PER3: variants seen among roughly 807,000 people sequenced by gnomAD.
PER3 encodes the protein period circadian protein homolog 3.
A neutral mutation model predicts 127.2 loss-of-function variants in PER3; 107 were observed. The observed-to-expected ratio is 0.84, with a 90% CI of 0.72 to 0.99. The LOEUF (loss-of-function observed/expected upper bound fraction) is 0.99. PER3 is among the 50% of genes least tolerant of loss of function. The pLI, the probability that PER3 is intolerant of heterozygous loss-of-function variation, is 0.00. For missense variants in PER3, 1,560 were observed against 1,525.8 expected, an observed-to-expected ratio of 1.02 and a Z score of -0.37; for synonymous variants, 618 against 585.8, an observed-to-expected ratio of 1.05 and a Z score of -0.79.
intron 13 of PER3, among the ~76,000 whole-genome samples, chr1:7,816,625 A>G (rs1388706773): frequency 6.6e-6 from 1 of 152,228 alleles, no homozygotes; most frequent in African/African-American, 2.4e-5. Flanking sequence ...ACCATATGAG[A>G]TAACACCACA....
At chr1:7,820,082 G>A (rs2097268799) in intron 14 of PER3, 33 bp from the exon 15 acceptor site, 1 of 1,607,440 alleles carries the variant, frequency 6.2e-7, no homozygotes, top group African/African-American at 1.3e-5. Context: ...TAGGGAACAG[G>A]TAAGAATGTG....
At chr1:7,786,907 T>C in intron 4 of PER3, 71 bp downstream of exon 4, 1 of 850,404 alleles carries the variant, frequency 1.2e-6, no homozygotes, top group Non-Finnish European at 2.0e-6. Flanking sequence ...GATGTAGGCT[T>C]TTAAGAAGGA....
Position 7,822,502 on chromosome 1 carries a change from C to T in PER3, c.1957+1862C>T, listed in dbSNP as rs558890868. Among the ~76,000 whole-genome samples the T allele has an allele frequency of 5.3e-5, 8 of 152,262 alleles. 1 individual carries two copies. The South Asian group carries it at 1.7e-3, about 32-fold the overall frequency. ...TCCGGACCTCAGGTGATCCGCCCAC[C>T]TTGGCCTCCCAAAGTGCTGGGATTA... On this transcript the variant is annotated intron_variant, in intron 16 of 21. Coordinates refer to ENST00000377532, the MANE Select transcript of PER3 (RefSeq NM_001377275.1).
At chr1:7,795,443 A>G (rs2097140982) in intron 6 of PER3, among the ~76,000 whole-genome samples, 2 of 152,228 alleles carry the variant, frequency 1.3e-5, no homozygotes. Context: ...CGTTGTATTC[A>G]GGGTGATCCA....
At chr1:7,830,395 C>T (rs911599083) in intron 19 of PER3, among the ~76,000 whole-genome samples, 7 of 152,176 alleles carry the variant, frequency 4.6e-5, no homozygotes, top group African/African-American at 1.4e-4. Flanking sequence ...AGCGCTACCA[C>T]AATCACCATA....
At position 7,801,008 on chromosome 1, in the gene PER3, A is replaced by G. The variant is rs145784065; in HGVS notation, c.794-105A>G. The G allele has an allele frequency of 3.1e-3, 2,279 of 739,770 alleles. 40 individuals are homozygous for G. In the African/African-American group the frequency reaches 0.036, roughly 12 times the overall value. 45.8% of individuals were successfully genotyped at this position (739,770 alleles called of 1,614,324 possible). A position where few individuals can be genotyped will look rare whatever the true frequency, so the allele number is the denominator to read the frequency against. Reference sequence around the variant, plus strand: ...CAGGCCCCTAAATGAGATTTCTACCATTTCATATAGATTTTGTTCTCTTTT... The same window carrying G: ...CAGGCCCCTAAATGAGATTTCTACCGTTTCATATAGATTTTGTTCTCTTTT... On this transcript the variant is annotated intron_variant, in intron 7 of 21. Coordinates refer to ENST00000377532, the MANE Select transcript of PER3 (RefSeq NM_001377275.1).
intron 16 of PER3, among the ~76,000 whole-genome samples, chr1:7,821,695 G>T (rs1224202957): frequency 6.6e-6 from 1 of 152,060 alleles, no homozygotes; most frequent in Admixed American, 6.6e-5. Context: ...TTATACTAAA[G>T]TCTATATGCT....
At chr1:7,789,367 C>T (rs1015403860) in intron 5 of PER3, among the ~76,000 whole-genome samples, 1 of 152,116 alleles carries the variant, frequency 6.6e-6, no homozygotes, top group Admixed American at 6.5e-5. Context: ...CCATGCTGTT[C>T]TCGTGATAGT....
At position 7,803,969 on chromosome 1, in the gene PER3, C is replaced by T. The variant is rs556706543; in HGVS notation, c.1136+121C>T. The T allele has an allele frequency of 3.1e-5, 25 of 801,316 alleles. 1 individual carries two copies. The highest frequency in any genetic ancestry group is 1.0e-4 in the East Asian group (4 of 38,368). The allele number at this position is 801,316 out of a possible 1,614,324, so 49.6% of individuals were successfully genotyped here. On this transcript the variant is annotated intron_variant, in intron 10 of 21. Coordinates refer to ENST00000377532, the MANE Select transcript of PER3 (RefSeq NM_001377275.1). ...ACTAAATAAAGCACAGATTTGTTTT[C>T]GGTGCTTTGGGGAGACAGTTTGACA...
intron 1 of PER3, 77 bp from the exon 2 acceptor site, chr1:7,784,577 C>T (rs1246957203): frequency 8.0e-6 from 2 of 248,884 alleles, no homozygotes; most frequent in African/African-American, 2.3e-5. Flanking sequence ...GCGGTCGGGG[C>T]GCCCCAGCCA....
rs2097156192 is a variant in PER3, at chr1:7,798,574, AT to A, written c.695del (p.Ile232ThrfsTer4). The A allele has an allele frequency of 6.2e-7, 1 of 1,613,200 alleles. No homozygotes were observed. Among genetic ancestry groups the A allele is most frequent in the Non-Finnish European group, 8.5e-7 (1 of 1,179,254 alleles). Reference protein sequence around the residue: ...QEKCHSPFRIIPYLIHVHHPA... With the variant: ...QEKCHSPFRIXPYLIHVHHPA... ...GAAGTGTCACTCCCCATTCCGGATC[AT>A]CCCCTATCTGATTCATGTACATCAC... On this transcript the variant is annotated frameshift_variant, in exon 7 of 22. Transcript: ENST00000377532. LOFTEE classifies it high-confidence loss of function.
At chr1:7,802,150 C>T (rs961330491) in intron 8 of PER3, among the ~76,000 whole-genome samples, 7 of 152,130 alleles carry the variant, frequency 4.6e-5, no homozygotes, top group East Asian at 3.8e-4. Flanking sequence ...CCAGTTTTTT[C>T]TGAAGCATCC....
intron 9 of PER3, 95 bp downstream of exon 9, chr1:7,803,248 G>T: frequency 1.3e-6 from 1 of 791,042 alleles, no homozygotes. Flanking sequence ...CCTTTAACCA[G>T]AGAGGCATTA....
At chr1:7,814,095 T>C (rs1030586677) in intron 13 of PER3, among the ~76,000 whole-genome samples, 5 of 152,168 alleles carry the variant, frequency 3.3e-5, no homozygotes, top group East Asian at 1.9e-4. Context: ...AAAGAATCAT[T>C]ATTCAAGCTG....
chr1:7,807,594 A>T (rs1249698529), intron 10 of PER3, among the ~76,000 whole-genome samples: 4 of 152,232 alleles, frequency 2.6e-5, no homozygotes, highest in Non-Finnish European at 4.4e-5. Flanking sequence ...CTTCTCGGTT[A>T]TGTGAACTTG....
intron 13 of PER3, among the ~76,000 whole-genome samples, chr1:7,818,017 G>A (rs368760296): frequency 3.3e-5 from 5 of 152,082 alleles, no homozygotes; most frequent in African/African-American, 9.7e-5. Context: ...CTGCACCTCC[G>A]CCGCATTCTC....
rs745826922 is a variant in PER3, at chr1:7,837,138, A to G, written c.3538A>G (p.Ile1180Val). 3.4e-5 allele frequency: 55 copies of G among 1,613,214 alleles called. No homozygotes were observed. The highest frequency in any genetic ancestry group is 4.2e-5 in the Non-Finnish European group (50 of 1,179,760). The change falls in exon 21 of 22, where the codon ATC (isoleucine) becomes GTC (valine). Residue 1180 changes from isoleucine (I) to valine (V), a missense_variant. By Grantham distance (29) the Ile-to-Val change is conservative. Coordinates refer to ENST00000377532, the MANE Select transcript of PER3 (RefSeq NM_001377275.1). Reference sequence around the variant, plus strand: ...TCAAAGCCAGACTGTCACTCAAGAAATCGACATTCAAGTAAGCACAGTAAT... The same window carrying G: ...TCAAAGCCAGACTGTCACTCAAGAAGTCGACATTCAAGTAAGCACAGTAAT... ...WIQSQTVTQE[I>V]DIQACVTCEN...
intron 21 of PER3, among the ~76,000 whole-genome samples, chr1:7,840,377 G>A (rs566200659): frequency 2.5e-3 from 383 of 151,172 alleles, no homozygotes; most frequent in Non-Finnish European, 3.7e-3. Flanking sequence ...ACCCAGGCTG[G>A]AGTGCAGTGG....
chr1:7,820,725 C>A, intron 16 of PER3, 85 bp downstream of exon 16: 1 of 1,108,450 alleles, frequency 9.0e-7, no homozygotes, highest in Non-Finnish European at 1.3e-6. Context: ...ATACCATTCG[C>A]TCGGTTGTAA....
Sources: gnomAD v4.1 joint callset for allele counts (sites outside exome capture counted in the v4.1 genomes callset) on GRCh38, gnomAD v4.1.1 for gene constraint, MANE v1.5 for transcripts, NCBI Gene and HGNC (gene_info 2026-07-23, HGNC 2026-07-21) for gene names.